ADGRE2: variants seen among roughly 807,000 people sequenced by gnomAD.
The protein encoded by ADGRE2 is adhesion G protein-coupled receptor E2, also known as CD97 antigen.
Under a neutral mutation model 100.8 loss-of-function variants are expected in ADGRE2, and 83 were observed. The observed-to-expected ratio is 0.82, with a 90% confidence interval of 0.69 to 0.99. ADGRE2 has a LOEUF of 0.99. Among genes scored for constraint, ADGRE2 ranks in the 50% least tolerant of loss-of-function variants. ADGRE2 has a pLI of 0.00. For synonymous variants in ADGRE2, 355 were observed against 413.0 expected (o/e 0.86, Z 1.70); for missense variants, 814 against 1,035.7 (o/e 0.79, Z 2.94).
At chr19:14,773,117 A>G (rs1363408604) in intron 4 of ADGRE2, among the ~76,000 whole-genome samples, 3 of 149,510 alleles carry the variant, frequency 2.0e-5, no homozygotes, top group Non-Finnish European at 4.4e-5. Context: ...AAAAGAAAAA[A>G]GAAAAATAAG....
Position 14,759,488 on chromosome 19 carries a change from C to CATATATATATAT in ADGRE2, c.1085-3155_1085-3144dup, listed in dbSNP as rs147074153. On this transcript the variant is annotated intron_variant, in intron 11 of 20. Coordinates refer to ENST00000315576, the MANE Select transcript of ADGRE2 (RefSeq NM_013447.4). ...AGTTAGACAAAAAGTATAAGTTATA[C>CATATATATATAT]ATATATATATATATATTTTTTTTTT... 1.9e-3 allele frequency among the ~76,000 whole-genome samples: 251 copies of CATATATATATAT among 133,566 alleles called. 3 individuals are homozygous for CATATATATATAT. Among genetic ancestry groups the CATATATATATAT allele is most frequent in the African/African-American group, 7.0e-3 (224 of 32,188 alleles). The allele number at this position is 133,566 out of a possible 152,430, so 87.6% of individuals were successfully genotyped here.
chr19:14,736,891 T>TAG (rs557668329), intron 20 of ADGRE2, among the ~76,000 whole-genome samples: 939 of 78,726 alleles, frequency 0.012, no homozygotes, highest in African/African-American at 0.048. Flanking sequence ...TAGAAATATA[T>TAG]ATATTTAATA....
intron 11 of ADGRE2, among the ~76,000 whole-genome samples, chr19:14,759,678 A>C (rs2335220): frequency 1.3e-4 from 19 of 151,328 alleles, no homozygotes; most frequent in African/African-American, 4.1e-4. Context: ...TGTATTTTTA[A>C]TAGCCAGGGT....
chr19:14,759,478 A>G (rs1228798808), intron 11 of ADGRE2, among the ~76,000 whole-genome samples: 4 of 122,924 alleles, frequency 3.3e-5, no homozygotes, highest in Non-Finnish European at 4.8e-5. Flanking sequence ...GACAAAAAGT[A>G]TAAGTTATAC....
chr19:14,776,980 A>ACGCG (rs2044468837), intron 1 of ADGRE2, 53 bp from the exon 2 acceptor site: 13 of 638,418 alleles, frequency 2.0e-5, no homozygotes, highest in Admixed American at 1.8e-4. Context: ...GGCGCTGCAC[A>ACGCG]CACACACACA....
At chr19:14,739,628 C>CA (rs963451317) in intron 20 of ADGRE2, among the ~76,000 whole-genome samples, 2 of 152,088 alleles carry the variant, frequency 1.3e-5, no homozygotes, top group Non-Finnish European at 2.9e-5. Context: ...AATGACCCCC[C>CA]AAAGAGGTTC....
At chr19:14,747,033 A>G in intron 16 of ADGRE2, 71 bp from the exon 17 acceptor site, 1 of 1,277,638 alleles carries the variant, frequency 7.8e-7, no homozygotes, top group Non-Finnish European at 1.1e-6. Context: ...AATCTATTCC[A>G]TCCCTCCTCA....
intron 20 of ADGRE2, among the ~76,000 whole-genome samples, chr19:14,739,343 A>G (rs1234185063): frequency 1.3e-5 from 2 of 152,310 alleles, no homozygotes; most frequent in Non-Finnish European, 2.9e-5. Context: ...ACATTAAGTA[A>G]TGCAATGGAT....
chr19:14,743,712 C>T lies in ADGRE2; in HGVS notation c.2256G>A (p.Val752=). ...GCTWCLGILQ[V]GPAARVMAYL... ...AGGCCATGACCCGGGCAGCCGGACC[C>T]ACCTGCAAGATGCCCAGACACCACG... The change falls in exon 19 of 21, where the codon GTG becomes GTA. Residue 752 remains valine, a synonymous_variant. Transcript: ENST00000315576. 1.4e-5 allele frequency: 22 copies of T among 1,614,160 alleles called. No homozygotes were observed. The highest frequency in any genetic ancestry group is 1.9e-5 in the Non-Finnish European group (22 of 1,180,020).
At chr19:14,766,701 C>A (rs989728125) in intron 6 of ADGRE2, among the ~76,000 whole-genome samples, 1 of 151,854 alleles carries the variant, frequency 6.6e-6, no homozygotes, top group African/African-American at 2.4e-5. Flanking sequence ...CTTCTTAGAA[C>A]TGGAAGTGAC....
intron 18 of ADGRE2, among the ~76,000 whole-genome samples, chr19:14,744,683 G>A (rs2147151822): frequency 6.6e-6 from 1 of 152,038 alleles, no homozygotes; most frequent in African/African-American, 2.4e-5. Context: ...TTGAACTCAT[G>A]ACCTCAAGTG....
At chr19:14,724,475 G>T in the ADGRE2 span, among the ~76,000 whole-genome samples, 6 of 152,146 alleles carry the variant, frequency 3.9e-5, no homozygotes, top group Non-Finnish European at 5.9e-5. Context: ...CCATTAAAAA[G>T]TTTGTTTAAG....
intron 2 of ADGRE2, among the ~76,000 whole-genome samples, chr19:14,774,963 G>A (rs1481529856): frequency 1.4e-5 from 2 of 143,728 alleles, no homozygotes; most frequent in South Asian, 2.3e-4. Context: ...TGTGAGCCAC[G>A]GCTCCCAGCT....
chr19:14,736,330 C>T (rs568594004), intron 20 of ADGRE2, 86 bp from the exon 21 acceptor site: 66 of 852,838 alleles, frequency 7.7e-5, no homozygotes, highest in Middle Eastern at 2.7e-4. Context: ...GGCGCAGCCT[C>T]GACTCACTGT....
downstream of ADGRE2, among the ~76,000 whole-genome samples, chr19:14,729,801 C>A (rs76250706): frequency 3.9e-5 from 6 of 152,130 alleles, no homozygotes; most frequent in Admixed American, 3.9e-4. Context: ...CTATATGAGA[C>A]GAGGCATACA....
At chr19:14,772,128 T>G (rs1376623893) in intron 5 of ADGRE2, 5 of 610,026 alleles carry the variant, frequency 8.2e-6, no homozygotes, top group Non-Finnish European at 1.4e-5. Context: ...AGCCAGGATT[T>G]GGGCCCAGGT....
At chr19:14,774,705 G>A (rs1185027599) in intron 2 of ADGRE2, among the ~76,000 whole-genome samples, 1 of 52,182 alleles carries the variant, frequency 1.9e-5, no homozygotes, top group Non-Finnish European at 4.9e-5. Context: ...ACAGGGTCTT[G>A]CTCTGTCGCC....
At chr19:14,770,809 G>T (rs534315175) in intron 5 of ADGRE2, among the ~76,000 whole-genome samples, 1 of 151,048 alleles carries the variant, frequency 6.6e-6, no homozygotes, top group East Asian at 2.0e-4. Flanking sequence ...CTCCTGAGTA[G>T]CTGGGATTAC....
intron 11 of ADGRE2, among the ~76,000 whole-genome samples, chr19:14,759,553 G>A (rs1187538222): frequency 6.7e-6 from 1 of 148,202 alleles, no homozygotes; most frequent in Non-Finnish European, 1.5e-5. Flanking sequence ...CTGGAGTGCA[G>A]TGGCACGATC....
Sources: allele counts gnomAD v4.1 joint callset (sites outside exome capture counted in the v4.1 genomes callset), GRCh38; gene constraint gnomAD v4.1.1; transcripts MANE v1.5; gene names NCBI Gene and HGNC (gene_info 2026-07-23, HGNC 2026-07-21).